The following TTC8 variants were observed in gnomAD, a reference collection of about 807,000 sequenced individuals.
TTC8 encodes the protein tetratricopeptide repeat protein 8.
In TTC8, 47 loss-of-function variants were observed where a neutral mutation model predicts 72.5. The ratio of observed to expected loss-of-function variants is 0.65; its 90% confidence interval spans 0.51 to 0.83. The LOEUF (loss-of-function observed/expected upper bound fraction) is 0.83, where lower values mean the gene tolerates loss of function less well. Ranked by LOEUF, TTC8 falls within the 40% of genes least tolerant of loss-of-function variation. TTC8 has a pLI of 0.00. For synonymous variants in TTC8, 199 were observed against 221.4 expected (o/e 0.90, Z 0.90); for missense variants, 611 against 623.2 (o/e 0.98, Z 0.21).
At chr14:88,824,869 G>C (rs745749279) in intron 1 of TTC8, 48 bp downstream of exon 1, 5 of 1,516,612 alleles carry the variant, frequency 3.3e-6, no homozygotes, top group South Asian at 1.2e-5. Flanking sequence ...CTGAGGCTGC[G>C]GGGTCTGGGG....
downstream of TTC8, chr14:88,880,329 TA>T (rs1267010086): frequency 6.6e-6 from 1 of 152,212 alleles, no homozygotes; most frequent in Non-Finnish European, 1.5e-5. Flanking sequence ...TATTTTTAGC[TA>T]AATAAAAACA....
At chr14:88,841,598 G>A (rs989771530) in intron 6 of TTC8, 84 bp downstream of exon 6, 2 of 1,139,724 alleles carry the variant, frequency 1.8e-6, no homozygotes, top group Non-Finnish European at 1.3e-6. Flanking sequence ...ATAAAAACTT[G>A]TGAAGGAAAG....
At chr14:88,874,324 A>G (rs546489780) in intron 13 of TTC8, among the ~76,000 whole-genome samples, 2 of 152,290 alleles carry the variant, frequency 1.3e-5, no homozygotes, top group Non-Finnish European at 2.9e-5. Flanking sequence ...ATGTAGCTAC[A>G]AGTTGAGGGG....
chr14:88,854,980 T>G (rs2141003254), intron 8 of TTC8, among the ~76,000 whole-genome samples: 1 of 152,332 alleles, frequency 6.6e-6, no homozygotes, highest in African/African-American at 2.4e-5. Flanking sequence ...AGCCATTGAA[T>G]CCTGCCATAC....
At chr14:88,878,992 A>G (rs2094966163), downstream of TTC8, 1 of 152,154 alleles carries the variant, frequency 6.6e-6, no homozygotes, top group Non-Finnish European at 1.5e-5. Flanking sequence ...AGGTCAAATC[A>G]CCTCTCTCTG....
chr14:88,846,851 A>G (rs2140988078), intron 7 of TTC8: 1 of 391,452 alleles, frequency 2.6e-6, no homozygotes, highest in African/African-American at 2.1e-5. Flanking sequence ...TAAGCAGCAA[A>G]ATCCTTTTCT....
intron 9 of TTC8, among the ~76,000 whole-genome samples, chr14:88,858,564 T>C (rs1378027874): frequency 1.3e-5 from 2 of 152,040 alleles, no homozygotes; most frequent in Non-Finnish European, 2.9e-5. Context: ...GTATCTAACT[T>C]TATCTTCTAT....
In TTC8 at chr14:88,841,037, G is replaced by A. The variant is rs749668097; in HGVS notation, c.330G>A (p.Arg110=). The A allele has an allele frequency of 2.5e-6, 4 of 1,613,956 alleles. No homozygotes were observed. Among genetic ancestry groups the A allele is most frequent in the South Asian group, 1.1e-5 (1 of 91,062 alleles). ...TTATAACAATTTATAATCTTCACAGGCCAATCACACAAGCTGGAAGACCCA... is the reference window on the plus strand; with the variant it reads ...TTATAACAATTTATAATCTTCACAGACCAATCACACAAGCTGGAAGACCCA... ...NQTGGPSQAV[R]PITQAGRPIT... is the part of the protein sequence containing the mutation. The change falls in exon 5 of 15, where the codon AGG becomes AGA. Residue 110 remains arginine, a splice_region_variant and synonymous_variant. Coordinates refer to ENST00000380656, the MANE Select transcript of TTC8 (RefSeq NM_144596.4).
intron 2 of TTC8, chr14:88,834,080 G>T (rs969338324): frequency 2.3e-5 from 7 of 304,090 alleles, no homozygotes; most frequent in South Asian, 1.7e-4. Flanking sequence ...CTGAAAGACT[G>T]TGATGGATGG....
rs1485786225 is a variant in TTC8, at chr14:88,857,385, TACTATGTTTAGATTTA to T, written c.798+112_798+127del. 6.2e-6 allele frequency: 6 copies of T among 970,596 alleles called. No individual in the cohort carries two copies. The African/African-American group carries it at 9.6e-5, about 16-fold the overall frequency. 60.1% of individuals were successfully genotyped at this position (970,596 alleles called of 1,614,324 possible). A position where few individuals can be genotyped will look rare whatever the true frequency, so the allele number is the denominator to read the frequency against. The stretch of plus-strand genomic sequence containing the variant: ...GCTTCTTCAGGAATATTTGGCAAGT[TACTATGTTTAGATTTA>T]ACTTGTTTTTCTTTACAGCAAGGGA... On this transcript the variant is annotated intron_variant, in intron 9 of 14. Coordinates refer to ENST00000380656, the MANE Select transcript of TTC8 (RefSeq NM_144596.4).
In TTC8 at chr14:88,839,493, A is replaced by G. The variant is rs765778236; in HGVS notation, c.186A>G (p.Val62=). 2.5e-6 allele frequency: 4 copies of G among 1,613,310 alleles called. No homozygotes were observed. The highest frequency in any genetic ancestry group is 1.7e-5 in the Admixed American group (1 of 59,984). The change falls in exon 3 of 15, where the codon GTA becomes GTG. Residue 62 remains valine (V), a synonymous_variant. Transcript: ENST00000380656. ...ILKARALTEM[V]YIDEIDVDQE... is the part of the protein sequence containing the mutation. Reference sequence around the variant, plus strand: ...AAGCAAGAGCGCTAACAGAAATGGTATACATAGATGAAATTGATGTAGATC... The same window carrying G: ...AAGCAAGAGCGCTAACAGAAATGGTGTACATAGATGAAATTGATGTAGATC...
chr14:88,846,136 G>C (rs1771631168), intron 7 of TTC8, among the ~76,000 whole-genome samples: 1 of 151,852 alleles, frequency 6.6e-6, no homozygotes, highest in Non-Finnish European at 1.5e-5. Flanking sequence ...GCGAAACCCT[G>C]TCTCTACAAA....
chr14:88,862,541 CATATATATATATATATATATATAT>C (rs71130022), intron 10 of TTC8, among the ~76,000 whole-genome samples: 1,005 of 23,806 alleles, frequency 0.042, 82 homozygotes, highest in East Asian at 0.16. Flanking sequence ...TCTCTCTCTC[CATATATATATATATATATATATAT>C]ATATATATAT....
chr14:88,857,825 G>A (rs1465937536), intron 9 of TTC8, among the ~76,000 whole-genome samples: 2 of 152,072 alleles, frequency 1.3e-5, no homozygotes, highest in African/African-American at 4.8e-5. Context: ...TTAAAGAGGG[G>A]TAAGTTTTTC....
intron 2 of TTC8, among the ~76,000 whole-genome samples, chr14:88,834,698 A>AT (rs372300947): frequency 0.032 from 4,745 of 147,374 alleles, 122 homozygotes; most frequent in African/African-American, 0.06. Flanking sequence ...GGGCAAAACT[A>AT]TTTTTTTTTT....
intron 1 of TTC8, among the ~76,000 whole-genome samples, chr14:88,829,655 A>G (rs879836664): frequency 6.6e-6 from 1 of 152,204 alleles, no homozygotes; most frequent in Non-Finnish European, 1.5e-5. Context: ...AATGGGAGAA[A>G]GACTTTTTTC....
chr14:88,870,792 G>T (rs1295352463), intron 11 of TTC8, among the ~76,000 whole-genome samples: 3 of 152,106 alleles, frequency 2.0e-5, no homozygotes, highest in African/African-American at 7.2e-5. Context: ...GAGATGACTG[G>T]CAGCTGACAA....
intron 1 of TTC8, 84 bp from the exon 2 acceptor site, chr14:88,833,609 C>T (rs181044329): frequency 7.3e-6 from 9 of 1,241,010 alleles, no homozygotes; most frequent in South Asian, 1.2e-5. Context: ...AGTTCACCTA[C>T]AAATACTTGG....
intron 1 of TTC8, among the ~76,000 whole-genome samples, chr14:88,825,207 G>T (rs2094693692): frequency 6.6e-6 from 1 of 152,206 alleles, no homozygotes; most frequent in Non-Finnish European, 1.5e-5. Flanking sequence ...CATAAACAAA[G>T]ATCTGTGACT....
Sources: gnomAD v4.1 joint callset for allele counts (sites outside exome capture counted in the v4.1 genomes callset) on GRCh38, gnomAD v4.1.1 for gene constraint, MANE v1.5 for transcripts, NCBI Gene and HGNC (gene_info 2026-07-23, HGNC 2026-07-21) for gene names.